HELLS: variants seen among roughly 807,000 people sequenced by gnomAD.
HELLS encodes the protein helicase, lymphoid specific.
HELLS carries 32 observed loss-of-function variants against 120.0 expected under a neutral mutation model. The observed-to-expected ratio is 0.27, with a 90% CI of 0.20 to 0.36. The LOEUF (loss-of-function observed/expected upper bound fraction) is 0.36. Among genes scored for constraint, HELLS ranks in the 10% least tolerant of loss-of-function variants. The pLI is 1.00. For synonymous variants in HELLS, 341 were observed against 323.4 expected (o/e 1.05, Z -0.58); for missense variants, 650 against 993.4 (o/e 0.65, Z 4.65).
chr10:94,573,815 A>T (rs181865529), intron 7 of HELLS, 145 bp from the exon 8 acceptor site: 2 of 534,632 alleles, frequency 3.7e-6, no homozygotes, highest in Admixed American at 7.2e-5. Context: ...CGATGTCTCC[A>T]GTTTTTTAAT....
chr10:94,568,566 C>G (rs1843957576), intron 6 of HELLS, among the ~76,000 whole-genome samples: 1 of 152,096 alleles, frequency 6.6e-6, no homozygotes, highest in South Asian at 2.1e-4. Flanking sequence ...TTTTTATAAT[C>G]CTAGTCTAGC....
chr10:94,577,833 G>A (rs1212695685), intron 10 of HELLS, among the ~76,000 whole-genome samples: 10 of 152,020 alleles, frequency 6.6e-5, no homozygotes, highest in African/African-American at 2.4e-4. Context: ...AGGCCGAGGC[G>A]GGTGGATCAT....
exon 10 of HELLS, chr10:94,612,636 G>A (rs1846204253): frequency 6.6e-6 from 1 of 152,172 alleles, no homozygotes; most frequent in South Asian, 2.1e-4. Context: ...AAAATGTAAA[G>A]GGGGTGGGGT....
chr10:94,613,644 G>C (rs899091763), exon 10 of HELLS: 2 of 151,878 alleles, frequency 1.3e-5, no homozygotes, highest in Admixed American at 1.3e-4. Flanking sequence ...TTAACTGAAG[G>C]TTTTCTTAGA....
chr10:94,550,616 G>A (rs1309082189), intron 2 of HELLS, among the ~76,000 whole-genome samples: 5 of 151,970 alleles, frequency 3.3e-5, no homozygotes, highest in Non-Finnish European at 7.4e-5. Context: ...CTGGCCAGGC[G>A]CGGTGGCTCA....
intron 9 of HELLS, among the ~76,000 whole-genome samples, chr10:94,608,975 G>A (rs1846158427): frequency 6.8e-6 from 1 of 146,434 alleles, no homozygotes; most frequent in Admixed American, 6.8e-5. Flanking sequence ...TCTTGCAAGC[G>A]CTAGCTTGAT....
At chr10:94,602,980 T>TCC (rs1322758414), downstream of HELLS, among the ~76,000 whole-genome samples, 1 of 152,142 alleles carries the variant, frequency 6.6e-6, no homozygotes, top group East Asian at 1.9e-4. Flanking sequence ...GTCTCATATC[T>TCC]CCTCCCTCTC....
chr10:94,568,942 A>G (rs941904069), intron 6 of HELLS, among the ~76,000 whole-genome samples: 2 of 151,788 alleles, frequency 1.3e-5, no homozygotes, highest in Non-Finnish European at 2.9e-5. Context: ...CTCAGGTTCA[A>G]GCGATTCTCC....
chr10:94,581,803 G>A (rs1344690270), intron 11 of HELLS, among the ~76,000 whole-genome samples: 2 of 152,136 alleles, frequency 1.3e-5, no homozygotes, highest in African/African-American at 2.4e-5. Flanking sequence ...AACATTTTAA[G>A]ATGGATTTTT....
rs546790496 is a variant in HELLS at position 94,546,292 on chromosome 10, G to A, written c.32-85G>A. The A allele has an allele frequency of 1.8e-5, 28 of 1,541,382 alleles. No individual in the cohort carries two copies. In the African/African-American group the frequency reaches 3.7e-4, roughly 20 times the overall value. ...TCAGCTTTTGCTCCAGTGCATCTCG[G>A]GTGGGAGAAAGGCTGTTTCTTGTTG... On this transcript the variant is annotated intron_variant, in intron 1 of 21. Transcript: ENST00000348459.
At chr10:94,590,362 C>A (rs369986041) in intron 13 of HELLS, 51 bp from the exon 14 acceptor site, 2 of 1,487,232 alleles carry the variant, frequency 1.3e-6, no homozygotes, top group Non-Finnish European at 1.8e-6. Flanking sequence ...CATTTAGAAC[C>A]TAAGGACATA....
chr10:94,589,460 A>G (rs77746854), intron 13 of HELLS, among the ~76,000 whole-genome samples: 4,902 of 152,304 alleles, frequency 0.032, 112 homozygotes, highest in Middle Eastern at 0.14. Context: ...ATTGATAACC[A>G]AAAAGATTAA....
chr10:94,560,040 AT>A (rs995184935), intron 4 of HELLS, among the ~76,000 whole-genome samples: 8 of 149,326 alleles, frequency 5.4e-5, no homozygotes, highest in South Asian at 2.1e-4. Flanking sequence ...TTATTTATTT[AT>A]TTTTTTTTTG....
At chr10:94,574,283 T>G in intron 8 of HELLS, 96 bp downstream of exon 8, 1 of 825,472 alleles carries the variant, frequency 1.2e-6, no homozygotes, top group Non-Finnish European at 2.0e-6. Flanking sequence ...TCTATCATGT[T>G]TCACTATTAT....
chr10:94,582,506 C>G (rs1359241721), intron 11 of HELLS, among the ~76,000 whole-genome samples: 1 of 151,960 alleles, frequency 6.6e-6, no homozygotes. Context: ...TATATATTTT[C>G]AACATTGGGA....
intron 3 of HELLS, among the ~76,000 whole-genome samples, chr10:94,555,982 G>A (rs1843240644): frequency 6.6e-6 from 1 of 152,132 alleles, no homozygotes; most frequent in African/African-American, 2.4e-5. Context: ...AGTTCTGTAA[G>A]CTCCTCTAGC....
At position 94,554,749 on chromosome 10, in the gene HELLS, G is replaced by A. The variant is rs1041341570; in HGVS notation, c.276+501G>A. Among the ~76,000 whole-genome samples the A allele has an allele frequency of 3.3e-5, 5 of 151,486 alleles. 1 individual carries two copies. The highest frequency in any genetic ancestry group is 3.3e-4 in the Admixed American group (5 of 15,190). On this transcript the variant is annotated intron_variant, in intron 3 of 21. Transcript: ENST00000348459. Reference sequence around the variant, plus strand: ...AGAAAGACAAAACCTGGATTAGAGGGTTGGGATTTAGCCTCACCCTCAACT... The same window carrying A: ...AGAAAGACAAAACCTGGATTAGAGGATTGGGATTTAGCCTCACCCTCAACT...
chr10:94,609,450 A>G (rs1025382428), intron 9 of HELLS, among the ~76,000 whole-genome samples: 23 of 152,208 alleles, frequency 1.5e-4, no homozygotes, highest in Non-Finnish European at 1.5e-5. Context: ...CTGCATAGCA[A>G]AAACTATGAT....
chr10:94,551,740 CT>C (rs1433030801), intron 2 of HELLS, among the ~76,000 whole-genome samples: 14 of 150,878 alleles, frequency 9.3e-5, no homozygotes, highest in African/African-American at 3.4e-4. Flanking sequence ...ACCCCCATTT[CT>C]TTTCTTTTTT....
Sources: gnomAD v4.1 joint callset for allele counts (sites outside exome capture counted in the v4.1 genomes callset) on GRCh38, gnomAD v4.1.1 for gene constraint, MANE v1.5 for transcripts, NCBI Gene and HGNC (gene_info 2026-07-23, HGNC 2026-07-21) for gene names.